The following SLC20A2 variants were observed in gnomAD, a reference collection of about 807,000 sequenced individuals.
SLC20A2 encodes sodium-dependent phosphate transporter 2.
In SLC20A2, 30 loss-of-function variants were observed where a neutral mutation model predicts 61.0. The ratio of observed to expected loss-of-function variants is 0.49; its 90% CI spans 0.37 to 0.67. SLC20A2 has a LOEUF of 0.67. Among genes scored for constraint, SLC20A2 ranks in the 30% least tolerant of loss-of-function variants. SLC20A2 has a pLI of 0.00. For synonymous variants in SLC20A2, 351 were observed against 353.3 expected (o/e 0.99, Z 0.07); for missense variants, 626 against 866.4 (o/e 0.72, Z 3.48).
intron 7 of SLC20A2, among the ~76,000 whole-genome samples, chr8:42,438,090 C>T (rs1284368120): frequency 2.0e-5 from 1 of 50,120 alleles, no homozygotes; most frequent in Non-Finnish European, 5.0e-5. Context: ...AAAAAAAAAA[C>T]ATGGAAACAT....
At chr8:42,505,848 G>A (rs1029593265), upstream of SLC20A2, among the ~76,000 whole-genome samples, 6 of 151,006 alleles carry the variant, frequency 4.0e-5, no homozygotes, top group East Asian at 2.0e-4. Flanking sequence ...CTGAGATCAC[G>A]CCACCACTCC....
intron 1 of SLC20A2, among the ~76,000 whole-genome samples, chr8:42,528,868 T>C (rs373016283): frequency 1.3e-5 from 2 of 152,146 alleles, no homozygotes; most frequent in East Asian, 3.9e-4. Context: ...GGTTTCTCCA[T>C]GTTGGTCAGG....
chr8:42,436,029 T>C (rs2130996616), intron 8 of SLC20A2, among the ~76,000 whole-genome samples: 2 of 151,880 alleles, frequency 1.3e-5, no homozygotes, highest in Admixed American at 1.3e-4. Flanking sequence ...GACAAGAGAA[T>C]CACTTGAACT....
chr8:42,458,840 C>T (rs573202448), intron 5 of SLC20A2, among the ~76,000 whole-genome samples: 2 of 150,874 alleles, frequency 1.3e-5, no homozygotes, highest in East Asian at 2.0e-4. Context: ...ACCCAGGAGG[C>T]GGAGCTTGCA....
At chr8:42,531,038 A>G (rs1200158579) in intron 1 of SLC20A2, among the ~76,000 whole-genome samples, 1 of 152,204 alleles carries the variant, frequency 6.6e-6, no homozygotes, top group Non-Finnish European at 1.5e-5. Flanking sequence ...CCTATTAATC[A>G]GTTCTCCTGT....
At chr8:42,435,153 C>T (rs571358258) in intron 8 of SLC20A2, among the ~76,000 whole-genome samples, 6 of 152,256 alleles carry the variant, frequency 3.9e-5, no homozygotes, top group African/African-American at 1.2e-4. Context: ...AGCATGCTGT[C>T]TCCAAGAAAA....
chr8:42,520,341 T>A (rs1811571403), intron 1 of SLC20A2, among the ~76,000 whole-genome samples: 1 of 151,762 alleles, frequency 6.6e-6, no homozygotes, highest in African/African-American at 2.4e-5. Context: ...ATAAGTATTT[T>A]AAAAATTCTT....
rs1054116011 is a variant in SLC20A2, at chr8:42,444,742, T to G, written c.634A>C (p.Met212Leu). Reference protein sequence around the residue: ...GAPVLGLVLPMWAIALISFGV... With the variant: ...GAPVLGLVLPLWAIALISFGV... ...AAGGAAATGAGGGCTATGGCCCACA[T>G]GGGGAGAACAAGGCCGAGCACTGGG... Residue 212 changes from methionine to leucine, a missense_variant, in exon 6 of 11, where the codon ATG becomes CTG. This residue lies in a region of SLC20A2 where 361 missense variants were observed against 422.3 expected (regional missense o/e 0.85). Coordinates refer to ENST00000520262, the MANE Select transcript of SLC20A2 (RefSeq NM_001257180.2). 3 of 1,613,830 alleles carry G rather than the reference T, an allele frequency of 1.9e-6. No individual in the cohort carries two copies. The highest frequency in any genetic ancestry group is 2.5e-6 in the Non-Finnish European group (3 of 1,179,824).
intron 2 of SLC20A2, among the ~76,000 whole-genome samples, chr8:42,466,188 G>A (rs755676772): frequency 2.0e-5 from 3 of 151,826 alleles, no homozygotes; most frequent in East Asian, 3.9e-4. Context: ...AGGCTGGAGT[G>A]CAGTGGCCTG....
chr8:42,451,683 A>G (rs1364863048), intron 5 of SLC20A2, among the ~76,000 whole-genome samples: 1 of 122,916 alleles, frequency 8.1e-6, no homozygotes, highest in Non-Finnish European at 1.7e-5. Flanking sequence ...AGAGATGAAG[A>G]GGAGGGGGAG....
At chr8:42,425,060 A>G (rs905623506) in intron 10 of SLC20A2, among the ~76,000 whole-genome samples, 1 of 152,144 alleles carries the variant, frequency 6.6e-6, no homozygotes, top group African/African-American at 2.4e-5. Context: ...AAAACAAAAC[A>G]AAACAAATCT....
At chr8:42,455,257 T>TATATATATAGAGAGAGAG (rs1357416749) in intron 5 of SLC20A2, among the ~76,000 whole-genome samples, 1 of 81,618 alleles carries the variant, frequency 1.2e-5, no homozygotes, top group African/African-American at 4.4e-5. Context: ...TATATATATA[T>TATATATATAGAGAGAGAG]AGAGAGAGAG....
At chr8:42,452,065 AGGG>A (rs1168546964) in intron 5 of SLC20A2, among the ~76,000 whole-genome samples, 3 of 119,794 alleles carry the variant, frequency 2.5e-5, no homozygotes, top group African/African-American at 7.6e-5. Context: ...GATGAAGAGG[AGGG>A]GGAGGAAGAG....
Position 42,472,588 on chromosome 8 carries a change from G to A in SLC20A2, c.-198C>T. ...CTGTCAGGACAGTTCATTTGGTTGT[G>A]TTCAGTCAGCGGTAAAACACATTCC... On this transcript the variant is annotated 5_prime_UTR_variant, in exon 2 of 11. Transcript: ENST00000520262. The surrounding 1 kb of genome is among the most constrained non-coding windows in gnomAD (Gnocchi z 4.1). 1.8e-6 allele frequency: 1 copy of A among 562,808 alleles called. No individual in the cohort carries two copies. The highest frequency in any genetic ancestry group is 3.1e-6 in the Non-Finnish European group (1 of 318,110). The allele number at this position is 562,808 out of a possible 1,614,324, so 34.9% of individuals were successfully genotyped here.
At chr8:42,426,433 C>T (rs1372193161) in intron 10 of SLC20A2, among the ~76,000 whole-genome samples, 7 of 152,206 alleles carry the variant, frequency 4.6e-5, no homozygotes, top group East Asian at 1.9e-4. Flanking sequence ...CGGTGGCTCA[C>T]GCCTGTAATC....
intron 5 of SLC20A2, among the ~76,000 whole-genome samples, chr8:42,457,639 A>C (rs577465040): frequency 6.6e-6 from 1 of 152,110 alleles, no homozygotes; most frequent in Non-Finnish European, 1.5e-5. Context: ...GGCGCGCACC[A>C]TCACGCCCAG....
At chr8:42,495,023 A>ATT (rs35040110) in intron 1 of SLC20A2, among the ~76,000 whole-genome samples, 1 of 139,824 alleles carries the variant, frequency 7.2e-6, no homozygotes, top group Non-Finnish European at 1.6e-5. Flanking sequence ...ATTTTTTTGT[A>ATT]TTTTTTTTTT....
chr8:42,534,311 G>GGTA (rs1334598955), intron 1 of SLC20A2, among the ~76,000 whole-genome samples: 1 of 151,988 alleles, frequency 6.6e-6, no homozygotes, highest in African/African-American at 2.4e-5. Context: ...GGAAAGAAGA[G>GGTA]GTAACACTGA....
At chr8:42,516,432 C>T (rs1041558989) in intron 1 of SLC20A2, among the ~76,000 whole-genome samples, 1 of 152,232 alleles carries the variant, frequency 6.6e-6, no homozygotes, top group Non-Finnish European at 1.5e-5. Flanking sequence ...ACCTCTGGAG[C>T]TCAGACTTGT....
Sources: gnomAD v4.1 joint callset for allele counts (sites outside exome capture counted in the v4.1 genomes callset) on GRCh38, gnomAD v4.1.1 for gene constraint, gnomAD v4.1.1 regional missense constraint, Gnocchi (gnomAD v3.1) non-coding constraint, MANE v1.5 for transcripts, NCBI Gene and HGNC (gene_info 2026-07-23, HGNC 2026-07-21) for gene names.